MXI1: variants seen among roughly 807,000 people sequenced by gnomAD.
MXI1 encodes the protein max-interacting protein 1.
A neutral mutation model predicts 36.9 loss-of-function variants in MXI1; 18 were observed. The observed-to-expected ratio is 0.49, with a 90% confidence interval of 0.34 to 0.72. The LOEUF (loss-of-function observed/expected upper bound fraction) is 0.72. MXI1 is among the 30% of genes least tolerant of loss of function. MXI1 has a pLI of 0.01. For missense variants in MXI1, 304 were observed against 379.1 expected, an observed-to-expected ratio of 0.80 and a Z score of 1.64; for synonymous variants, 160 against 146.7, an observed-to-expected ratio of 1.09 and a Z score of -0.65.
chr10:110,241,122 A>G (rs1325589713), intron 2 of MXI1, among the ~76,000 whole-genome samples: 1 of 152,012 alleles, frequency 6.6e-6, no homozygotes, highest in Non-Finnish European at 1.5e-5. Flanking sequence ...CATTTCATAG[A>G]TAATGACTCC....
At chr10:110,225,839 T>A (rs1854942866) in intron 1 of MXI1, among the ~76,000 whole-genome samples, 1 of 152,092 alleles carries the variant, frequency 6.6e-6, no homozygotes, top group Non-Finnish European at 1.5e-5. Flanking sequence ...TTTGCGAATC[T>A]TGCGGAACGC....
chr10:110,270,299 A>G (rs1388377633), intron 3 of MXI1, among the ~76,000 whole-genome samples: 1 of 152,230 alleles, frequency 6.6e-6, no homozygotes, highest in African/African-American at 2.4e-5. Context: ...TAAACAGATA[A>G]GAGAGGGGAA....
intron 3 of MXI1, among the ~76,000 whole-genome samples, chr10:110,271,501 T>C (rs146186290): frequency 2.0e-3 from 302 of 152,320 alleles, no homozygotes; most frequent in African/African-American, 7.2e-3. Flanking sequence ...GGAAGGAGTA[T>C]GGCAAGGATG....
intron 2 of MXI1, among the ~76,000 whole-genome samples, chr10:110,237,324 A>G (rs1344469896): frequency 1.3e-5 from 2 of 152,088 alleles, no homozygotes; most frequent in Non-Finnish European, 2.9e-5. Flanking sequence ...GTGTGACTAT[A>G]GTTTTTCTTA....
intron 3 of MXI1, among the ~76,000 whole-genome samples, chr10:110,264,491 G>A (rs1287001072): frequency 6.6e-6 from 1 of 150,400 alleles, no homozygotes; most frequent in Non-Finnish European, 1.5e-5. Context: ...TCAGCCTCCC[G>A]AGTTGCTGGG....
Position 110,286,283 on chromosome 10 carries a change from T to C in MXI1, c.*1296T>C, listed in dbSNP as rs1857423705. ...TCACAGTCCCACTGTGCAGGTGCTATTGTTACTCTTACGAATATTTTCAGT... is the reference window on the plus strand; with the variant it reads ...TCACAGTCCCACTGTGCAGGTGCTACTGTTACTCTTACGAATATTTTCAGT... On this transcript the variant is annotated 3_prime_UTR_variant, in exon 6 of 6. Transcript: ENST00000332674. 1 of 152,618 alleles carries C rather than the reference T, an allele frequency of 6.6e-6. No individual in the cohort carries two copies. Among genetic ancestry groups the C allele is most frequent in the African/African-American group, 2.4e-5 (1 of 41,428 alleles). 9.5% of individuals were successfully genotyped at this position (152,618 alleles called of 1,614,324 possible).
intron 1 of MXI1, chr10:110,226,018 CCGCGGCACGGCGGGCGCGGCTGG>C (rs1174544071): frequency 1.0e-6 from 1 of 981,544 alleles, no homozygotes; most frequent in Non-Finnish European, 1.2e-6. Context: ...CGCGGGCTGC[CCGCGGCACGGCGGGCGCGGCTGG>C]CGCGGCTGGG....
In MXI1 at chr10:110,279,248, G is replaced by A. The variant is rs1438632540; in HGVS notation, c.506G>A (p.Arg169Gln). The change falls in exon 4 of 6, where the codon CGG (arginine) becomes CAG (glutamine). Residue 169 changes from arginine (R) to glutamine (Q), a missense_variant. Coordinates refer to ENST00000332674, the MANE Select transcript of MXI1 (RefSeq NM_130439.3). ...VLIPLGPDCT[R>Q]HTTLGLLNKA... ...ATTCCACTAGGACCAGACTGCACCC[G>A]GCACACAACACTTGGTTTGCTCAAC... 17 of 1,614,010 alleles carry A rather than the reference G, an allele frequency of 1.1e-5. No homozygotes were observed. The highest frequency in any genetic ancestry group is 5.5e-5 in the South Asian group (5 of 91,086).
Position 110,227,525 on chromosome 10 carries a change from GC to G in MXI1, c.275-660del, listed in dbSNP as rs1855095256. On this transcript the variant is annotated intron_variant, in intron 1 of 5. Coordinates refer to ENST00000332674, the MANE Select transcript of MXI1 (RefSeq NM_130439.3). ...GGGTGACCGTGGAGAAGCTTGGAGG[GC>G]CCCGGAGCGGGAGAGGGTGCTGGGA... The G allele has an allele frequency of 3.0e-6, 3 of 984,946 alleles. No individual in the cohort carries two copies. In the Admixed American group the frequency reaches 1.9e-4, roughly 63 times the overall value. The allele number at this position is 984,946 out of a possible 1,614,324, so 61.0% of individuals were successfully genotyped here.
At chr10:110,266,306 C>T (rs535155221) in intron 3 of MXI1, among the ~76,000 whole-genome samples, 27 of 152,190 alleles carry the variant, frequency 1.8e-4, no homozygotes, top group Middle Eastern at 6.8e-3. Flanking sequence ...GACGGGGTTT[C>T]ACCATGCTGG....
intron 1 of MXI1, among the ~76,000 whole-genome samples, chr10:110,211,160 G>A (rs1319936308): frequency 2.0e-5 from 3 of 150,960 alleles, no homozygotes; most frequent in African/African-American, 7.3e-5. Flanking sequence ...ATTTCAGCGA[G>A]TTCCCCTATA....
At chr10:110,252,682 C>T (rs1423583442) in intron 3 of MXI1, among the ~76,000 whole-genome samples, 3 of 151,936 alleles carry the variant, frequency 2.0e-5, no homozygotes, top group Non-Finnish European at 4.4e-5. Flanking sequence ...AGGACTTTGT[C>T]TTATTTACCC....
At chr10:110,279,860 TTTA>T in intron 4 of MXI1, 51 bp from the exon 5 acceptor site, 1 of 1,370,292 alleles carries the variant, frequency 7.3e-7, no homozygotes, top group Non-Finnish European at 9.8e-7. Context: ...AGGAATCAGT[TTTA>T]TTGTTTGTAC....
intron 1 of MXI1, chr10:110,227,864 G>A: frequency 3.4e-6 from 1 of 294,550 alleles, no homozygotes; most frequent in Non-Finnish European, 6.6e-6. Flanking sequence ...TGAGGCAAGC[G>A]AAGTCAATGA....
intron 3 of MXI1, among the ~76,000 whole-genome samples, chr10:110,271,161 C>CA (rs1390751467): frequency 6.6e-6 from 1 of 151,406 alleles, no homozygotes; most frequent in Admixed American, 6.6e-5. Context: ...TACATGTAGA[C>CA]ATCTTTGGTG....
At chr10:110,224,342 C>G (rs1854899709) in intron 1 of MXI1, among the ~76,000 whole-genome samples, 1 of 152,192 alleles carries the variant, frequency 6.6e-6, no homozygotes, top group African/African-American at 2.4e-5. Context: ...CCCTTGTTCC[C>G]AACTGGGGGA....
At chr10:110,227,598 G>A (rs1296040671) in intron 1 of MXI1, 5 of 964,648 alleles carry the variant, frequency 5.2e-6, no homozygotes, top group Non-Finnish European at 6.2e-6. Context: ...TCAGGGGAAG[G>A]GACGAGGCCG....
intron 2 of MXI1, among the ~76,000 whole-genome samples, chr10:110,242,849 G>A (rs1855723217): frequency 6.7e-6 from 1 of 150,022 alleles, no homozygotes; most frequent in Non-Finnish European, 1.5e-5. Context: ...TTTAGAATAA[G>A]TTTATGGCAA....
chr10:110,215,224 T>C (rs1202639252), intron 1 of MXI1, among the ~76,000 whole-genome samples: 1 of 152,040 alleles, frequency 6.6e-6, no homozygotes, highest in African/African-American at 2.4e-5. Flanking sequence ...GTATTTTTAG[T>C]AGAGACAGGT....
Sources: allele counts gnomAD v4.1 joint callset (sites outside exome capture counted in the v4.1 genomes callset), GRCh38; gene constraint gnomAD v4.1.1; transcripts MANE v1.5; gene names NCBI Gene and HGNC (gene_info 2026-07-23, HGNC 2026-07-21).